The following APCDD1L variants were observed in gnomAD, a reference collection of about 807,000 sequenced individuals.
APCDD1L encodes the protein protein APCDD1-like.
APCDD1L carries 21 observed loss-of-function variants against 24.2 expected under a neutral mutation model. The ratio of observed to expected loss-of-function variants is 0.87; its 90% CI spans 0.61 to 1.25. APCDD1L has a LOEUF of 1.25. APCDD1L is among the 50% of genes most tolerant of loss of function. The pLI, the probability that APCDD1L is intolerant of heterozygous loss-of-function variation, is 0.00. For missense variants in APCDD1L, 704 were observed against 711.7 expected (o/e 0.99, Z 0.12); for synonymous variants, 321 against 323.6 (o/e 0.99, Z 0.09).
intron 1 of APCDD1L, among the ~76,000 whole-genome samples, chr20:58,471,307 C>G (rs1257831466): frequency 1.3e-5 from 2 of 152,244 alleles, no homozygotes; most frequent in Admixed American, 6.5e-5. Flanking sequence ...TCAGGTCTCA[C>G]CTGGTGCTGG....
Position 58,470,618 on chromosome 20 carries a change from A to G in APCDD1L, c.179T>C (p.Ile60Thr). The G allele has an allele frequency of 6.3e-7, 1 of 1,587,526 alleles. No individual in the cohort carries two copies. Among genetic ancestry groups the G allele is most frequent in the Non-Finnish European group, 8.6e-7 (1 of 1,166,770 alleles). The change falls in exon 2 of 4, where the codon ATC becomes ACC. Residue 60 changes from isoleucine (I) to threonine (T), a missense_variant. By Grantham distance (89) the Ile-to-Thr change is moderately conservative (BLOSUM62 -1). Transcript: ENST00000371149. ...ILPPRLNGPW[I>T]STGCEVRPGP... Reference sequence around the variant, plus strand: ...TGACCTGAAGTCTTACCCTGTGGAGATCCAAGGTCCATTAAGGCGTGGAGG... The same window carrying G: ...TGACCTGAAGTCTTACCCTGTGGAGGTCCAAGGTCCATTAAGGCGTGGAGG...
chr20:58,460,863 G>A lies in APCDD1L; in HGVS notation c.1433C>T (p.Thr478Ile), dbSNP rs771682749. The change falls in exon 4 of 4, where the codon ACA becomes ATA. Residue 478 changes from threonine to isoleucine, a missense_variant. Transcript: ENST00000371149. This position sits in a 1 kb window ranked among gnomAD's most constrained non-coding sequence, Gnocchi z 4.2. ...GAAGGGGGCTATGTGAAGACCCCCT[G>A]TGCTGGGGTGCTTCTGCAGCGATGG... ...HRPSLQKHPS[T>I]GGLHIAPFPL... is the part of the protein sequence containing the mutation. The A allele has an allele frequency of 6.3e-7, 1 of 1,580,788 alleles. No homozygotes were observed. The highest frequency in any genetic ancestry group is 8.6e-7 in the Non-Finnish European group (1 of 1,161,300).
intron 1 of APCDD1L, among the ~76,000 whole-genome samples, chr20:58,505,499 A>G (rs952492309): frequency 1.3e-5 from 2 of 152,034 alleles, no homozygotes; most frequent in Admixed American, 6.5e-5. Flanking sequence ...TTGGGTATTT[A>G]AATTTTGGCC....
rs962527730 is a variant in APCDD1L, at chr20:58,494,875, C to T, written c.49+19784G>A. Reference sequence around the variant, plus strand: ...CCCACCCTGGGGCCTGTGCACTTGCCGGTCTGTCTGCCAGGAATGCTCTTT... The same window carrying T: ...CCCACCCTGGGGCCTGTGCACTTGCTGGTCTGTCTGCCAGGAATGCTCTTT... On this transcript the variant is annotated intron_variant, in intron 1 of 3. Transcript: ENST00000371149. The surrounding 1 kb of genome is among the most constrained non-coding windows in gnomAD (Gnocchi z 4.8). Among the ~76,000 whole-genome samples the T allele has an allele frequency of 3.9e-5, 6 of 152,134 alleles. No homozygotes were observed. The highest frequency in any genetic ancestry group is 1.3e-4 in the Admixed American group (2 of 15,280).
At chr20:58,495,931 G>C (rs1990313352) in intron 1 of APCDD1L, among the ~76,000 whole-genome samples, 1 of 151,864 alleles carries the variant, frequency 6.6e-6, no homozygotes, top group Admixed American at 6.6e-5. Flanking sequence ...CCCTCTCCAG[G>C]CTGGGCCCCT....
intron 1 of APCDD1L, among the ~76,000 whole-genome samples, chr20:58,510,781 A>C (rs6026320): frequency 0.51 from 77,572 of 152,036 alleles, 21,190 homozygotes; most frequent in Admixed American, 0.62. Context: ...TGGAGCCTGG[A>C]CCTGCATGGT....
intron 1 of APCDD1L, among the ~76,000 whole-genome samples, chr20:58,500,349 T>G (rs2123184295): frequency 6.6e-6 from 1 of 152,278 alleles, no homozygotes; most frequent in East Asian, 1.9e-4. Context: ...ATGAGGGGCA[T>G]GCTGAGTCTT....
chr20:58,487,614 A>G (rs978689361), intron 1 of APCDD1L, among the ~76,000 whole-genome samples: 1 of 152,242 alleles, frequency 6.6e-6, no homozygotes, highest in Non-Finnish European at 1.5e-5. Context: ...AAAGTATGAA[A>G]GTAAAATAAT....
At chr20:58,481,603 G>A (rs552447342) in intron 1 of APCDD1L, among the ~76,000 whole-genome samples, 80 of 152,344 alleles carry the variant, frequency 5.3e-4, no homozygotes, top group Non-Finnish European at 8.2e-4. Context: ...TGTCGGGGGT[G>A]ACTGGGAGGA....
chr20:58,472,523 T>C (rs902604116), intron 1 of APCDD1L, among the ~76,000 whole-genome samples: 1 of 152,002 alleles, frequency 6.6e-6, no homozygotes, highest in East Asian at 1.9e-4. Flanking sequence ...GGAGACGGGG[T>C]AAAACGCAGG....
rs1989551871 is a variant in APCDD1L, at chr20:58,459,328, G to A, written c.*1462C>T. On this transcript the variant is annotated 3_prime_UTR_variant, in exon 4 of 4. Coordinates refer to ENST00000371149, the MANE Select transcript of APCDD1L (RefSeq NM_153360.3). ...GCCAGGAACACTTGTAGCTGTCTGA[G>A]AGCTACAGAGAATACTAACTTGGTG... 6.6e-6 allele frequency: 1 copy of A among 151,556 alleles called. No individual in the cohort carries two copies. Among genetic ancestry groups the A allele is most frequent in the African/African-American group, 2.4e-5 (1 of 41,210 alleles). The allele number at this position is 151,556 out of a possible 1,614,324, so 9.4% of individuals were successfully genotyped here. A position where few individuals can be genotyped will look rare whatever the true frequency, so the allele number is the denominator to read the frequency against.
At chr20:58,463,899 G>GC (rs920142912) in intron 3 of APCDD1L, among the ~76,000 whole-genome samples, 3 of 138,658 alleles carry the variant, frequency 2.2e-5, no homozygotes, top group Admixed American at 7.2e-5. Flanking sequence ...TTTTTTGGGG[G>GC]GGGGGGGCGT....
At chr20:58,490,520 G>A (rs1990205359) in intron 1 of APCDD1L, among the ~76,000 whole-genome samples, 1 of 152,240 alleles carries the variant, frequency 6.6e-6, no homozygotes, top group East Asian at 1.9e-4. Flanking sequence ...ACAAACTTAC[G>A]GCACTAACTA....
rs762687389 is a variant in APCDD1L, at chr20:58,467,214, C to G, written c.633G>C (p.Ala211=). Residue 211 remains alanine (A), a synonymous_variant, in exon 3 of 4, where the codon GCG becomes GCC. Transcript: ENST00000371149. The surrounding 1 kb of genome is among the most constrained non-coding windows in gnomAD (Gnocchi z 5.9). ...VQRRLQPQPR[A]SPRLVEELYL... is the part of the protein sequence containing the mutation. ...ACAGCTCCTCCACCAGCCGGGGCGA[C>G]GCCCGGGGCTGCGGCTGCAGGCGGC... 3.1e-6 allele frequency: 5 copies of G among 1,602,648 alleles called. No individual in the cohort carries two copies. In the East Asian group the frequency reaches 1.1e-4, roughly 36 times the overall value.
At position 58,508,970 on chromosome 20, in the gene APCDD1L, G is replaced by A. The variant is rs139300626; in HGVS notation, c.49+5689C>T. ...TGAGTGTGCATGTGTGTCTGTGTGCGCACGTGTGTGTGCATGTGCATGCGT... is the reference window on the plus strand; with the variant it reads ...TGAGTGTGCATGTGTGTCTGTGTGCACACGTGTGTGTGCATGTGCATGCGT... On this transcript the variant is annotated intron_variant, in intron 1 of 3. Transcript: ENST00000371149. This position sits in a 1 kb window ranked among gnomAD's most constrained non-coding sequence, Gnocchi z 4.0. Among the ~76,000 whole-genome samples, 689 of 148,172 alleles carry A rather than the reference G, an allele frequency of 4.6e-3. 7 individuals carry two copies. The highest frequency in any genetic ancestry group is 0.014 in the African/African-American group (550 of 39,826).
chr20:58,482,872 C>G (rs1990049162), intron 1 of APCDD1L, among the ~76,000 whole-genome samples: 1 of 152,210 alleles, frequency 6.6e-6, no homozygotes, highest in South Asian at 2.1e-4. Flanking sequence ...CTCCTTCCAT[C>G]TGCACTTACA....
At chr20:58,473,144 A>G (rs886851191) in intron 1 of APCDD1L, among the ~76,000 whole-genome samples, 4 of 152,196 alleles carry the variant, frequency 2.6e-5, no homozygotes, top group Non-Finnish European at 5.9e-5. Flanking sequence ...TTCAGAGTAA[A>G]ATAGTGAAGG....
At chr20:58,472,244 G>A (rs1486735626) in intron 1 of APCDD1L, among the ~76,000 whole-genome samples, 2 of 152,314 alleles carry the variant, frequency 1.3e-5, no homozygotes, top group Non-Finnish European at 1.5e-5. Flanking sequence ...GGGGGATGAC[G>A]GCACCTGTTA....
chr20:58,474,812 A>C (rs1244898098), intron 1 of APCDD1L, among the ~76,000 whole-genome samples: 1 of 152,210 alleles, frequency 6.6e-6, no homozygotes, highest in African/African-American at 2.4e-5. Flanking sequence ...GCAAACACCA[A>C]CACGATCTCA....
Sources: allele counts gnomAD v4.1 joint callset (sites outside exome capture counted in the v4.1 genomes callset), GRCh38; gene constraint gnomAD v4.1.1; non-coding constraint Gnocchi (gnomAD v3.1); transcripts MANE v1.5; gene names NCBI Gene and HGNC (gene_info 2026-07-23, HGNC 2026-07-21).